Variants in OR5V1 observed in about 807,000 individuals in gnomAD.
The protein encoded by OR5V1 is olfactory receptor family 5 subfamily V member 1.
For missense variants in OR5V1, 365 were observed against 371.5 expected (o/e 0.98, Z 0.14); for synonymous variants, 134 against 143.2 (o/e 0.94, Z 0.46).
intron 1 of OR5V1, among the ~76,000 whole-genome samples, chr6:29,366,273 A>G (rs1159192650): frequency 6.6e-6 from 1 of 151,192 alleles, no homozygotes; most frequent in Non-Finnish European, 1.5e-5. Flanking sequence ...ACACCTATGT[A>G]ACAAACCTGC....
chr6:29,359,974 C>T (rs558508004), intron 1 of OR5V1, among the ~76,000 whole-genome samples: 1 of 152,276 alleles, frequency 6.6e-6, no homozygotes, highest in South Asian at 2.1e-4. Context: ...TCTCACTCAG[C>T]GGGTCCCACT....
chr6:29,359,287 G>T (rs1778458290), intron 1 of OR5V1, among the ~76,000 whole-genome samples: 1 of 152,084 alleles, frequency 6.6e-6, no homozygotes, highest in Non-Finnish European at 1.5e-5. Flanking sequence ...CAATGAAAGA[G>T]ACATATTATG....
At chr6:29,360,551 C>G (rs1033023264) in intron 1 of OR5V1, among the ~76,000 whole-genome samples, 3 of 152,134 alleles carry the variant, frequency 2.0e-5, no homozygotes, top group Admixed American at 6.5e-5. Flanking sequence ...ACTGGGCTTC[C>G]CTTTGGGATG....
Position 29,356,196 on chromosome 6 carries a change from G to T in OR5V1, c.-1C>A, listed in dbSNP as rs753020479. ...TAGCTGTTTGATTCTTTCTTTCCAT[G>T]ATGTCGCCTGGTTTCCTTTCAGGAA... On this transcript the variant is annotated 5_prime_UTR_variant, in exon 2 of 2. Coordinates refer to ENST00000641768, the MANE Select transcript of OR5V1 (RefSeq NM_030876.6). 1 of 1,554,078 alleles carries T rather than the reference G, an allele frequency of 6.4e-7. No individual in the cohort carries two copies. Among genetic ancestry groups the T allele is most frequent in the African/African-American group, 1.4e-5 (1 of 72,678 alleles).
intron 1 of OR5V1, among the ~76,000 whole-genome samples, chr6:29,363,595 T>C (rs532981704): frequency 6.6e-6 from 1 of 152,242 alleles, no homozygotes; most frequent in East Asian, 1.9e-4. Flanking sequence ...AAAAATCTTA[T>C]CCACTACAAT....
At chr6:29,364,272 C>G (rs1389587083) in intron 1 of OR5V1, among the ~76,000 whole-genome samples, 1 of 152,018 alleles carries the variant, frequency 6.6e-6, no homozygotes, top group Non-Finnish European at 1.5e-5. Flanking sequence ...GAATTACAAA[C>G]TGCTTCTCAA....
rs773337600 is a variant in OR5V1, at chr6:29,356,222, T to A, written c.-27A>T. The A allele has an allele frequency of 6.5e-7, 1 of 1,539,378 alleles. No homozygotes were observed. Among genetic ancestry groups the A allele is most frequent in the East Asian group, 2.2e-5 (1 of 44,520 alleles). The stretch of plus-strand genomic sequence containing the variant: ...ATGTCGCCTGGTTTCCTTTCAGGAA[T>A]TGGGCAAAGAGAAGACCAGATTATA... On this transcript the variant is annotated 5_prime_UTR_variant, in exon 2 of 2. Transcript: ENST00000641768.
intron 1 of OR5V1, among the ~76,000 whole-genome samples, chr6:29,360,451 C>T (rs896329451): frequency 4.6e-5 from 7 of 152,204 alleles, no homozygotes; most frequent in Admixed American, 3.9e-4. Flanking sequence ...ACTGCCTCTG[C>T]CAGTGAATCC....
intron 1 of OR5V1, among the ~76,000 whole-genome samples, chr6:29,358,902 G>A (rs1397695004): frequency 3.3e-5 from 5 of 152,140 alleles, no homozygotes; most frequent in African/African-American, 1.2e-4. Flanking sequence ...TAGTTAAAAT[G>A]TATTGTATAT....
Position 29,354,573 on chromosome 6 carries a change from T to C in OR5V1, c.*657A>G, listed in dbSNP as rs1778165140. On this transcript the variant is annotated 3_prime_UTR_variant, in exon 2 of 2. Coordinates refer to ENST00000641768, the MANE Select transcript of OR5V1 (RefSeq NM_030876.6). ...AAAATAGTAATATGTTTTGGGGACT[T>C]AGTTTTAGAAAAATCCCTCAGGAAA... The C allele has an allele frequency of 1.3e-5, 2 of 152,134 alleles. No homozygotes were observed. The highest frequency in any genetic ancestry group is 1.5e-5 in the Non-Finnish European group (1 of 67,976). The allele number at this position is 152,134 out of a possible 1,614,324, so 9.4% of individuals were successfully genotyped here. A position where few individuals can be genotyped will look rare whatever the true frequency, so the allele number is the denominator to read the frequency against.
At position 29,365,617 on chromosome 6, in the gene OR5V1, C is replaced by T. The variant is rs562151634; in HGVS notation, c.-83+3015G>A. Among the ~76,000 whole-genome samples the T allele has an allele frequency of 2.0e-5, 3 of 152,234 alleles. No individual in the cohort carries two copies. The South Asian group carries it at 6.2e-4, about 32-fold the overall frequency. ...AACCACAATAAGATACCATCTCACG[C>T]CAGTTTGAATGGAAATCATTAAAAA... On this transcript the variant is annotated intron_variant, in intron 1 of 1. Transcript: ENST00000641768.
rs189454266 is a variant in OR5V1 at position 29,365,301 on chromosome 6, A to G, written c.-83+3331T>C. On this transcript the variant is annotated intron_variant, in intron 1 of 1. Transcript: ENST00000641768. ...ACAAAAGCCAAAATTGACAAACGGG[A>G]TCTAATTAAACTAAAGAGCTTCTGC... Among the ~76,000 whole-genome samples the G allele has an allele frequency of 4.0e-3, 614 of 151,950 alleles. 2 individuals are homozygous for G. The highest frequency in any genetic ancestry group is 0.01 in the Middle Eastern group (3 of 294).
chr6:29,355,832 G>A lies in OR5V1; in HGVS notation c.364C>T (p.Arg122Cys), dbSNP rs757315888. The change falls in exon 2 of 2, where the codon CGT becomes TGT. Residue 122 changes from arginine (R) to cysteine (C), a missense_variant. Physicochemically the swap from Arg to Cys is radical, Grantham distance 180. Transcript: ENST00000641768. ...CLLLAAMAYDRYIAICNPLRY... is the reference protein window; with the variant it reads ...CLLLAAMAYDCYIAICNPLRY... ...AAAGGATTGCAGATTGCAATGTAACGATCATATGCCATTGCTGCCAGTAGG... is the reference window on the plus strand; with the variant it reads ...AAAGGATTGCAGATTGCAATGTAACAATCATATGCCATTGCTGCCAGTAGG... 12 of 1,613,868 alleles carry A rather than the reference G, an allele frequency of 7.4e-6. No homozygotes were observed. The highest frequency in any genetic ancestry group is 2.7e-5 in the African/African-American group (2 of 74,904).
rs1425811444 is a variant in OR5V1, at chr6:29,355,323, T to TTATAG, written c.872_873insCTATA (p.Leu292TyrfsTer3). ...CTTCTTTGATGTCCTTATTCCTCAA[T>TTATAG]GTGTAAATTATAGGGTTTAGCATGG... On this transcript the variant is annotated frameshift_variant, in exon 2 of 2. Coordinates refer to ENST00000641768, the MANE Select transcript of OR5V1 (RefSeq NM_030876.6). LOFTEE classifies it low-confidence loss of function (END_TRUNC). The TTATAG allele has an allele frequency of 1.2e-6, 2 of 1,613,796 alleles. No individual in the cohort carries two copies.
Position 29,355,481 on chromosome 6 carries a change from A to G in OR5V1, c.715T>C (p.Ser239Pro), listed in dbSNP as rs1464030085. The change falls in exon 2 of 2, where the codon TCT (serine) becomes CCT (proline). Residue 239 changes from serine (S) to proline (P), a missense_variant. Ser to Pro is a moderately conservative substitution (Grantham distance 74). Transcript: ENST00000641768. ...ATGGCCAGGTGGGAGGCACATGTAG[A>G]GAAGGCTTTTCGTCTTCCCTCTGAG... ...QSSEGRRKAF[S>P]TCASHLAIVF... is the part of the protein sequence containing the mutation. 1 of 1,614,028 alleles carries G rather than the reference A, an allele frequency of 6.2e-7. No individual in the cohort carries two copies. Among genetic ancestry groups the G allele is most frequent in the Admixed American group, 1.7e-5 (1 of 59,972 alleles).
chr6:29,368,495 C>G (rs1400853148), intron 1 of OR5V1, 137 bp downstream of exon 1: 1 of 152,188 alleles, frequency 6.6e-6, no homozygotes, highest in Non-Finnish European at 1.5e-5. Flanking sequence ...TTATTATTCC[C>G]TCCTTTGGAA....
In OR5V1 at chr6:29,356,870, C is replaced by T. The variant is rs188189863; in HGVS notation, c.-82-593G>A. 9.9e-5 allele frequency among the ~76,000 whole-genome samples: 15 copies of T among 151,956 alleles called. 1 individual carries two copies. The highest frequency in any genetic ancestry group is 4.2e-4 in the South Asian group (2 of 4,814). ...TTAATCTGATTTTTCCTTAATTTTC[C>T]GTGGCAATACATTTTATGCTAAAAC... On this transcript the variant is annotated intron_variant, in intron 1 of 1. Transcript: ENST00000641768.
intron 1 of OR5V1, among the ~76,000 whole-genome samples, chr6:29,363,338 C>A (rs1473548806): frequency 1.3e-5 from 2 of 152,130 alleles, no homozygotes; most frequent in Non-Finnish European, 2.9e-5. Flanking sequence ...TCTCCAGGAT[C>A]TGATGGATTC....
chr6:29,362,865 C>T lies in OR5V1; in HGVS notation c.-83+5767G>A, dbSNP rs1045858321. ...AAAGCAGGAAAGATTTAAAATCGAC[C>T]CCCTAACATCACAATTAAAAGAGCT... On this transcript the variant is annotated intron_variant, in intron 1 of 1. Transcript: ENST00000641768. Among the ~76,000 whole-genome samples, 4 of 151,996 alleles carry T rather than the reference C, an allele frequency of 2.6e-5. No individual in the cohort carries two copies. The East Asian group carries it at 7.7e-4, about 29-fold the overall frequency.
Sources: gnomAD v4.1 joint callset for allele counts (sites outside exome capture counted in the v4.1 genomes callset) on GRCh38, gnomAD v4.1.1 for gene constraint, MANE v1.5 for transcripts, NCBI Gene and HGNC (gene_info 2026-07-23, HGNC 2026-07-21) for gene names.